The following CRYBG1 variants were observed in gnomAD, a reference collection of about 807,000 sequenced individuals.
CRYBG1 encodes the protein beta/gamma crystallin domain-containing protein 1.
A neutral mutation model predicts 189.2 loss-of-function variants in CRYBG1; 139 were observed. That is an observed-to-expected ratio of 0.73 (90% CI 0.64 to 0.85). The LOEUF is 0.85. Among genes scored for constraint, CRYBG1 ranks in the 40% least tolerant of loss-of-function variants. The pLI, the probability that CRYBG1 is intolerant of heterozygous loss-of-function variation, is 0.00. For missense variants in CRYBG1, 2,611 were observed against 2,675.8 expected (o/e 0.98, Z 0.53); for synonymous variants, 1,023 against 1,017.1 (o/e 1.01, Z -0.11).
At chr6:106,525,107 TTG>T in intron 4 of CRYBG1, 24 bp from the exon 5 acceptor site, 1 of 1,611,978 alleles carries the variant, frequency 6.2e-7, no homozygotes, top group Non-Finnish European at 8.5e-7. Flanking sequence ...TAATTATTTG[TTG>T]TGTTTTTGTT....
chr6:106,404,671 A>G lies in CRYBG1; in HGVS notation c.173+43590A>G, dbSNP rs545101492. On this transcript the variant is annotated intron_variant, in intron 1 of 21. Transcript: ENST00000633556. ...AAGGTGGGTGATTTCTGCATTTCCA[A>G]CTGAGGTACCTGGCTTATCTCACTG... is the stretch of plus-strand genomic sequence containing the variant. Among the ~76,000 whole-genome samples the G allele has an allele frequency of 1.2e-3, 181 of 152,200 alleles. 1 individual carries two copies. Among genetic ancestry groups the G allele is most frequent in the African/African-American group, 2.7e-3 (112 of 41,530 alleles).
At chr6:106,391,040 CAGTT>C (rs924673264) in intron 1 of CRYBG1, among the ~76,000 whole-genome samples, 12 of 152,142 alleles carry the variant, frequency 7.9e-5, no homozygotes. Context: ...CTCCTACCAA[CAGTT>C]AGTGAAGAGT....
At chr6:106,541,090 A>G (rs1774119558) in intron 9 of CRYBG1, 1 of 334,326 alleles carries the variant, frequency 3.0e-6, no homozygotes, top group South Asian at 2.4e-5. Context: ...CCCTGGTTGC[A>G]AAATCAAATA....
chr6:106,461,039 C>A (rs764802818), intron 2 of CRYBG1, among the ~76,000 whole-genome samples: 1 of 152,188 alleles, frequency 6.6e-6, no homozygotes, highest in African/African-American at 2.4e-5. Context: ...CCTGCCTCAG[C>A]CTCCCAAAGT....
intron 1 of CRYBG1, among the ~76,000 whole-genome samples, chr6:106,398,552 C>T (rs1057005656): frequency 1.3e-5 from 2 of 152,106 alleles, no homozygotes; most frequent in Admixed American, 6.5e-5. Flanking sequence ...ATAAAATATA[C>T]AGGAAGTACA....
At chr6:106,485,926 TAC>T (rs1772584139) in intron 2 of CRYBG1, among the ~76,000 whole-genome samples, 1 of 152,214 alleles carries the variant, frequency 6.6e-6, no homozygotes, top group Non-Finnish European at 1.5e-5. Flanking sequence ...ACCTGCAGTT[TAC>T]TTTTTTTGCA....
chr6:106,428,569 C>G (rs1771268927), intron 1 of CRYBG1, among the ~76,000 whole-genome samples: 1 of 152,180 alleles, frequency 6.6e-6, no homozygotes, highest in African/African-American at 2.4e-5. Context: ...TTTAATTCCT[C>G]TAACAACCCT....
At position 106,520,574 on chromosome 6, in the gene CRYBG1, C is replaced by T. The variant is rs1424095129; in HGVS notation, c.3366C>T (p.Pro1122=). ...AGATGGATAGCGCAGTTTGTATGCC[C>T]ATGAAAAGAAAGAAGGCCAGGATGC... ...IKQMDSAVCM[P]MKRKKARMPN... is the part of the protein sequence containing the mutation. The change falls in exon 4 of 22, where the codon CCC becomes CCT. Residue 1122 remains proline (P), a synonymous_variant. Coordinates refer to ENST00000633556, the MANE Select transcript of CRYBG1 (RefSeq NM_001371242.2). 11 of 1,613,878 alleles carry T rather than the reference C, an allele frequency of 6.8e-6. No homozygotes were observed. The Admixed American group carries it at 1.8e-4, about 27-fold the overall frequency.
At chr6:106,432,591 A>C (rs1427035259) in intron 1 of CRYBG1, among the ~76,000 whole-genome samples, 2 of 152,120 alleles carry the variant, frequency 1.3e-5, no homozygotes, top group Non-Finnish European at 2.9e-5. Context: ...AAGGGTGCAA[A>C]TCTCTAACCG....
Position 106,512,951 on chromosome 6 carries a change from G to C in CRYBG1, c.1834G>C (p.Gly612Arg), listed in dbSNP as rs1349102203. 2.5e-6 allele frequency: 4 copies of C among 1,610,488 alleles called. No homozygotes were observed. Among genetic ancestry groups the C allele is most frequent in the African/African-American group, 1.3e-5 (1 of 74,894 alleles). Residue 612 changes from glycine (G) to arginine (R), a missense_variant, in exon 3 of 22, where the codon GGA becomes CGA. Gly to Arg is a moderately radical substitution (Grantham distance 125). Transcript: ENST00000633556. Reference protein sequence around the residue: ...GRSRELGRAAGAPGASDADGL... With the variant: ...GRSRELGRAARAPGASDADGL... ...AAGCAGAGAGCTGGGCAGAGCGGCC[G>C]GAGCGCCTGGAGCTTCTGACGCCGA...
chr6:106,477,873 A>G (rs561318709), intron 2 of CRYBG1, among the ~76,000 whole-genome samples: 4 of 152,366 alleles, frequency 2.6e-5, no homozygotes, highest in Admixed American at 6.5e-5. Flanking sequence ...AGGATCTCAC[A>G]CCATGGAAAG....
chr6:106,528,724 C>G (rs950370720), intron 7 of CRYBG1, among the ~76,000 whole-genome samples: 7 of 152,144 alleles, frequency 4.6e-5, no homozygotes, highest in Non-Finnish European at 8.8e-5. Flanking sequence ...CTGATAATAG[C>G]AGACTTACTG....
Position 106,512,833 on chromosome 6 carries a change from G to C in CRYBG1, c.1716G>C (p.Pro572=). The C allele has an allele frequency of 1.3e-6, 2 of 1,578,884 alleles. No homozygotes were observed. Among genetic ancestry groups the C allele is most frequent in the Non-Finnish European group, 1.7e-6 (2 of 1,162,210 alleles). Residue 572 remains proline, a synonymous_variant, in exon 3 of 22, where the codon CCG becomes CCC. Transcript: ENST00000633556. ...CGCGGGCCATCCCCCGCGAGCTCCC[G>C]GTCAAGAGCAGCTCGCTGCTGCCGG... ...EAARAIPREL[P]VKSSSLLPEI... is the part of the protein sequence containing the mutation.
intron 8 of CRYBG1, among the ~76,000 whole-genome samples, chr6:106,537,075 CG>C: frequency 6.6e-6 from 1 of 152,288 alleles, no homozygotes; most frequent in Non-Finnish European, 1.5e-5. Flanking sequence ...TTCATGTTTT[CG>C]GTTTTTTCAC....
chr6:106,474,420 T>A (rs1231502124), intron 2 of CRYBG1, among the ~76,000 whole-genome samples: 1 of 152,266 alleles, frequency 6.6e-6, no homozygotes, highest in East Asian at 1.9e-4. Flanking sequence ...TGTATAGTTA[T>A]GTTTCTCCTT....
In CRYBG1 at chr6:106,384,501, CT is replaced by C. The variant is rs551069892; in HGVS notation, c.173+23421del. 5.7e-3 allele frequency among the ~76,000 whole-genome samples: 873 copies of C among 152,220 alleles called. 10 individuals are homozygous for C. The highest frequency in any genetic ancestry group is 0.02 in the African/African-American group (819 of 41,520). On this transcript the variant is annotated intron_variant, in intron 1 of 21. Transcript: ENST00000633556. ...TTTTCTTGCACCTAGATGGTCTCAT[CT>C]GGGGGTGATGGGAGAGAGTGACACT...
intron 2 of CRYBG1, among the ~76,000 whole-genome samples, chr6:106,464,784 T>C (rs1017975949): frequency 1.2e-4 from 18 of 152,188 alleles, no homozygotes; most frequent in Non-Finnish European, 2.2e-4. Context: ...AAATACTTCT[T>C]CCGAGAATTA....
At position 106,537,092 on chromosome 6, in the gene CRYBG1, C is replaced by T. The variant is rs536082359; in HGVS notation, c.4719-2311C>T. On this transcript the variant is annotated intron_variant, in intron 8 of 21. Transcript: ENST00000633556. ...CATGTTTTCGGTTTTTTCACAAATT[C>T]CCCTCTACCCAGAATGACTTTCCTT... Among the ~76,000 whole-genome samples the T allele has an allele frequency of 6.6e-5, 10 of 152,268 alleles. No homozygotes were observed. The East Asian group carries it at 1.9e-3, about 29-fold the overall frequency.
chr6:106,520,266 G>T lies in CRYBG1; in HGVS notation c.3058G>T (p.Glu1020Ter), dbSNP rs950611347. ...LGNEHSHCTAELAAKSGPQVI... is the reference protein window; with the variant it reads ...LGNEHSHCTA ...CAATGAACACTCTCATTGCACAGCA[G>T]AGCTCGCGGCAAAATCTGGCCCACA... The change falls in exon 4 of 22, where the codon GAG (glutamate) becomes TAG (stop). Residue 1020 changes from glutamate (E) to a stop codon, truncating the protein, a stop_gained. Transcript: ENST00000633556. LOFTEE classifies it high-confidence loss of function. The T allele has an allele frequency of 6.2e-7, 1 of 1,614,184 alleles. No individual in the cohort carries two copies. The highest frequency in any genetic ancestry group is 1.7e-5 in the Admixed American group (1 of 60,020).
Sources: gnomAD v4.1 joint callset for allele counts (sites outside exome capture counted in the v4.1 genomes callset) on GRCh38, gnomAD v4.1.1 for gene constraint, MANE v1.5 for transcripts, NCBI Gene and HGNC (gene_info 2026-07-23, HGNC 2026-07-21) for gene names.